FOXP1: variants seen among roughly 807,000 people sequenced by gnomAD.
The protein encoded by FOXP1 is forkhead box P1.
Under a neutral mutation model 98.2 loss-of-function variants are expected in FOXP1, and 15 were observed. That is an observed-to-expected ratio of 0.15 (90% CI 0.10 to 0.24). The LOEUF (loss-of-function observed/expected upper bound fraction) is 0.24, where lower values mean the gene tolerates loss of function less well. FOXP1 is among the 10% of genes least tolerant of loss of function. The pLI, the probability that FOXP1 is intolerant of heterozygous loss-of-function variation, is 1.00. For missense variants in FOXP1, 633 were observed against 848.5 expected (o/e 0.75, Z 3.15); for synonymous variants, 371 against 314.5 (o/e 1.18, Z -1.90).
intron 14 of FOXP1, among the ~76,000 whole-genome samples, chr3:70,981,691 C>G (rs932973089): frequency 1.3e-5 from 2 of 152,138 alleles, no homozygotes; most frequent in Non-Finnish European, 1.5e-5. Flanking sequence ...GCAGCTGTGG[C>G]CATTCCAAAA....
At chr3:71,379,565 C>T (rs1249251247) in intron 3 of FOXP1, among the ~76,000 whole-genome samples, 2 of 151,722 alleles carry the variant, frequency 1.3e-5, no homozygotes, top group Non-Finnish European at 2.9e-5. Context: ...TTCTATACAG[C>T]CCACGAGCTA....
intron 14 of FOXP1, among the ~76,000 whole-genome samples, chr3:70,979,305 A>T (rs12486182): frequency 8.6e-6 from 1 of 116,744 alleles, no homozygotes; most frequent in South Asian, 2.6e-4. Flanking sequence ...AAAAAAAAAA[A>T]AAAAAAAAAA....
At chr3:71,233,970 T>A (rs1438785885) in intron 5 of FOXP1, among the ~76,000 whole-genome samples, 4 of 152,132 alleles carry the variant, frequency 2.6e-5, no homozygotes, top group African/African-American at 9.7e-5. Context: ...GCCGTTATTA[T>A]CTGGGGTGGG....
In FOXP1 at chr3:71,051,306, C is replaced by T. The variant is rs570278337; in HGVS notation, c.510+1231G>A. ...GTCAGCATTTTCATTAAAACACCTC[C>T]TCCCCTTCACCCCAAAACTGCCCCT... On this transcript the variant is annotated intron_variant, in intron 9 of 20. Transcript: ENST00000649528. 4.6e-5 allele frequency among the ~76,000 whole-genome samples: 7 copies of T among 152,304 alleles called. No homozygotes were observed. The South Asian group carries it at 1.2e-3, about 27-fold the overall frequency.
chr3:71,438,526 T>C (rs2085589607), intron 3 of FOXP1, among the ~76,000 whole-genome samples: 1 of 151,990 alleles, frequency 6.6e-6, no homozygotes, highest in Non-Finnish European at 1.5e-5. Context: ...CCTAGCACAG[T>C]AGGGATTTCG....
At chr3:70,973,410 G>A (rs1265564389) in intron 17 of FOXP1, among the ~76,000 whole-genome samples, 2 of 152,164 alleles carry the variant, frequency 1.3e-5, no homozygotes, top group African/African-American at 2.4e-5. Context: ...ACAGTTGATG[G>A]TTTCTGCAGA....
chr3:71,131,548 C>T (rs184616972), intron 6 of FOXP1, among the ~76,000 whole-genome samples: 34 of 152,208 alleles, frequency 2.2e-4, no homozygotes, highest in Admixed American at 6.5e-5. Context: ...TGCTAATACT[C>T]GGCTAAAATA....
chr3:71,109,426 G>GT (rs201988876), intron 7 of FOXP1, among the ~76,000 whole-genome samples: 7,348 of 30,696 alleles, frequency 0.24, 228 homozygotes, highest in East Asian at 0.47. Context: ...GGGATTTGGG[G>GT]GTTTTTTTTT....
At chr3:71,053,232 T>C (rs1400839048) in intron 8 of FOXP1, among the ~76,000 whole-genome samples, 2 of 152,086 alleles carry the variant, frequency 1.3e-5, no homozygotes, top group Admixed American at 1.3e-4. Flanking sequence ...TCTTTATGTT[T>C]AAAGAAAAAA....
At chr3:71,228,384 A>C (rs2066009403) in intron 5 of FOXP1, among the ~76,000 whole-genome samples, 1 of 152,104 alleles carries the variant, frequency 6.6e-6, no homozygotes, top group Admixed American at 6.5e-5. Context: ...ATGTGCATTA[A>C]ACTGCAGCTC....
At chr3:71,266,393 G>C (rs1041183185) in intron 5 of FOXP1, among the ~76,000 whole-genome samples, 1 of 151,806 alleles carries the variant, frequency 6.6e-6, no homozygotes, top group Non-Finnish European at 1.5e-5. Flanking sequence ...GGGACTACAG[G>C]TGCCCGCCAC....
intron 3 of FOXP1, among the ~76,000 whole-genome samples, chr3:71,418,374 A>G (rs967050979): frequency 1.3e-5 from 2 of 152,326 alleles, no homozygotes; most frequent in Non-Finnish European, 2.9e-5. Flanking sequence ...CCATTTGCAT[A>G]TTCTCCTGCA....
chr3:71,040,568 C>A (rs1054695687), intron 11 of FOXP1, among the ~76,000 whole-genome samples: 1 of 152,174 alleles, frequency 6.6e-6, no homozygotes, highest in Admixed American at 6.5e-5. Context: ...CTTAGAACTG[C>A]ATGCTAACAT....
chr3:71,520,004 A>G (rs2042861894), intron 2 of FOXP1, among the ~76,000 whole-genome samples: 1 of 152,268 alleles, frequency 6.6e-6, no homozygotes, highest in African/African-American at 2.4e-5. Flanking sequence ...TGACCAGACA[A>G]TCTTTGGATT....
chr3:71,493,378 T>A (rs973413875), intron 3 of FOXP1, 48 bp downstream of exon 3: 6 of 152,252 alleles, frequency 3.9e-5, no homozygotes, highest in African/African-American at 1.4e-4. Flanking sequence ...AAGGACTTTT[T>A]GTCTTGTGAA....
intron 4 of FOXP1, among the ~76,000 whole-genome samples, chr3:71,354,467 A>C (rs935463578): frequency 6.6e-6 from 1 of 152,212 alleles, no homozygotes; most frequent in African/African-American, 2.4e-5. Context: ...CAGGCTCCAG[A>C]CACTGAGCCA....
intron 4 of FOXP1, among the ~76,000 whole-genome samples, chr3:71,307,535 C>T (rs911604326): frequency 5.3e-5 from 8 of 152,146 alleles, no homozygotes; most frequent in South Asian, 2.1e-4. Context: ...AAACTGAAGA[C>T]GCTGATTTTG....
chr3:71,154,703 A>G (rs2060735760), intron 6 of FOXP1, among the ~76,000 whole-genome samples: 1 of 152,140 alleles, frequency 6.6e-6, no homozygotes. Flanking sequence ...CACTGCAGCT[A>G]TTAAATAGAG....
intron 7 of FOXP1, among the ~76,000 whole-genome samples, chr3:71,083,098 A>G (rs2054626719): frequency 6.6e-6 from 1 of 152,200 alleles, no homozygotes. Context: ...TGTCCCCACC[A>G]AATCTTGTGT....
Sources: allele counts gnomAD v4.1 joint callset (sites outside exome capture counted in the v4.1 genomes callset), GRCh38; gene constraint gnomAD v4.1.1; transcripts MANE v1.5; gene names NCBI Gene and HGNC (gene_info 2026-07-23, HGNC 2026-07-21).